The following GUCY1B1 variants were observed in gnomAD, a reference collection of about 807,000 sequenced individuals.
The protein encoded by GUCY1B1 is guanylate cyclase soluble subunit beta-1.
Under a neutral mutation model 71.0 loss-of-function variants are expected in GUCY1B1, and 43 were observed. The observed-to-expected ratio is 0.61, with a 90% CI of 0.47 to 0.78. The LOEUF is 0.78. Ranked by LOEUF, GUCY1B1 falls within the 30% of genes least tolerant of loss-of-function variation. GUCY1B1 has a pLI of 0.00. For synonymous variants in GUCY1B1, 266 were observed against 259.7 expected (o/e 1.02, Z -0.23); for missense variants, 535 against 754.1 (o/e 0.71, Z 3.40).
intron 2 of GUCY1B1, 51 bp from the exon 3 acceptor site, chr4:155,774,916 AT>A (rs1204257760): frequency 4.2e-6 from 4 of 956,566 alleles, no homozygotes; most frequent in East Asian, 2.4e-5. Context: ...TATAGTAGCT[AT>A]TTTTTTAACT....
chr4:155,780,480 G>A (rs2111060069), intron 4 of GUCY1B1, among the ~76,000 whole-genome samples: 1 of 152,254 alleles, frequency 6.6e-6, no homozygotes, highest in South Asian at 2.1e-4. Flanking sequence ...CCCAGCCACA[G>A]TAGTTTTCAT....
intron 4 of GUCY1B1, among the ~76,000 whole-genome samples, chr4:155,788,288 C>T (rs1454834084): frequency 1.3e-5 from 2 of 152,208 alleles, no homozygotes; most frequent in Non-Finnish European, 2.9e-5. Context: ...ACCCAGTTTC[C>T]TTGACTGTCA....
At position 155,791,526 on chromosome 4, in the gene GUCY1B1, T is replaced by G. The variant is rs574685207; in HGVS notation, c.495+1615T>G. Among the ~76,000 whole-genome samples the G allele has an allele frequency of 5.5e-4, 81 of 147,382 alleles. 2 individuals are homozygous for G. In the South Asian group the frequency reaches 0.018, roughly 32 times the overall value. On this transcript the variant is annotated intron_variant, in intron 5 of 13. Coordinates refer to ENST00000264424, the MANE Select transcript of GUCY1B1 (RefSeq NM_000857.5). ...CGGGGGGATCACGAGGTCAGGAGAT[T>G]GAGACCATCCTGGCTAACACGGTGA...
chr4:155,787,157 C>T (rs1738854100), intron 4 of GUCY1B1, among the ~76,000 whole-genome samples: 1 of 152,090 alleles, frequency 6.6e-6, no homozygotes, highest in Non-Finnish European at 1.5e-5. Flanking sequence ...GGGAAGAGTC[C>T]TAATGAGAAT....
At chr4:155,801,203 C>T (rs2111167007) in intron 9 of GUCY1B1, among the ~76,000 whole-genome samples, 1 of 152,118 alleles carries the variant, frequency 6.6e-6, no homozygotes. Flanking sequence ...ATACGAGTAG[C>T]TGATAAGTAC....
intron 4 of GUCY1B1, among the ~76,000 whole-genome samples, chr4:155,784,482 T>C (rs929157617): frequency 6.6e-6 from 1 of 152,178 alleles, no homozygotes; most frequent in African/African-American, 2.4e-5. Context: ...AAATATTTTT[T>C]AAATTACATG....
At chr4:155,804,863 C>A in intron 12 of GUCY1B1, 116 bp downstream of exon 12, 1 of 888,624 alleles carries the variant, frequency 1.1e-6, no homozygotes, top group Non-Finnish European at 1.8e-6. Flanking sequence ...CACTCTTCCC[C>A]ACTGCTTGTA....
chr4:155,806,591 T>C lies in GUCY1B1; in HGVS notation c.*182T>C. The C allele has an allele frequency of 2.0e-6, 1 of 489,278 alleles. No homozygotes were observed. The highest frequency in any genetic ancestry group is 3.7e-6 in the Non-Finnish European group (1 of 272,290). 30.3% of individuals were successfully genotyped at this position (489,278 alleles called of 1,614,324 possible). ...GTTATTCAACCTTAGCTCTGCTTTC[T>C]ATTACTTTTTAGGCTTTAGTATATT... On this transcript the variant is annotated 3_prime_UTR_variant, in exon 14 of 14. Coordinates refer to ENST00000264424, the MANE Select transcript of GUCY1B1 (RefSeq NM_000857.5).
At position 155,800,000 on chromosome 4, in the gene GUCY1B1, A is replaced by G. The variant is rs772311308; in HGVS notation, c.1101A>G (p.Gln367=). 153 of 1,613,784 alleles carry G rather than the reference A, an allele frequency of 9.5e-5. No individual in the cohort carries two copies. In the East Asian group the frequency reaches 3.3e-3, roughly 35 times the overall value. Residue 367 remains glutamine (Q), a synonymous_variant, in exon 9 of 14, where the codon CAA becomes CAG. Transcript: ENST00000264424. Reference sequence around the variant, plus strand: ...TTAGAGAGGAATACAAACTCACCCAAGAACTGGAAATCCTCACTGACAGGC... The same window carrying G: ...TTAGAGAGGAATACAAACTCACCCAGGAACTGGAAATCCTCACTGACAGGC... The part of the protein sequence containing the change: ...EQFREEYKLT[Q]ELEILTDRLQ...
In GUCY1B1 at chr4:155,795,419, C is replaced by T; in HGVS notation, c.805C>T (p.Leu269Phe). ...TATTGATATTAGTTTCCATGGGATCCTTTCTCACATCAATACTGTTTTTGT... is the reference window on the plus strand; with the variant it reads ...TATTGATATTAGTTTCCATGGGATCTTTTCTCACATCAATACTGTTTTTGT... ...PHIDISFHGI[L>F]SHINTVFVLR... Residue 269 changes from leucine to phenylalanine, a missense_variant, in exon 7 of 14, where the codon CTT becomes TTT. Leu to Phe is a conservative substitution (Grantham distance 22). Coordinates refer to ENST00000264424, the MANE Select transcript of GUCY1B1 (RefSeq NM_000857.5). 6.3e-7 allele frequency: 1 copy of T among 1,591,886 alleles called. No homozygotes were observed. The highest frequency in any genetic ancestry group is 8.6e-7 in the Non-Finnish European group (1 of 1,160,448).
Position 155,806,556 on chromosome 4 carries a change from C to A in GUCY1B1, c.*147C>A. ...CCAAGACTTTCTTCTAGATATATCT[C>A]TCACTATCCGTTATTCAACCTTAGC... On this transcript the variant is annotated 3_prime_UTR_variant, in exon 14 of 14. Coordinates refer to ENST00000264424, the MANE Select transcript of GUCY1B1 (RefSeq NM_000857.5). The A allele has an allele frequency of 3.4e-6, 2 of 580,484 alleles. No homozygotes were observed. Among genetic ancestry groups the A allele is most frequent in the South Asian group, 5.1e-5 (2 of 39,062 alleles). 36.0% of individuals were successfully genotyped at this position (580,484 alleles called of 1,614,324 possible).
intron 2 of GUCY1B1, among the ~76,000 whole-genome samples, chr4:155,769,938 A>T (rs1302129040): frequency 6.6e-6 from 1 of 152,194 alleles, no homozygotes; most frequent in Non-Finnish European, 1.5e-5. Flanking sequence ...AGCTCAAAAA[A>T]TAATTCTGAA....
intron 5 of GUCY1B1, among the ~76,000 whole-genome samples, chr4:155,790,348 T>G (rs1739072643): frequency 4.6e-5 from 7 of 152,246 alleles, no homozygotes; most frequent in Admixed American, 4.6e-4. Flanking sequence ...ATAGTTGGAA[T>G]GTCTAATTTT....
chr4:155,760,464 T>A (rs59409138), intron 2 of GUCY1B1, among the ~76,000 whole-genome samples: 3 of 68,046 alleles, frequency 4.4e-5, no homozygotes, highest in African/African-American at 1.7e-4. Context: ...TTTTTTCTAC[T>A]GTGTTGAAGA....
intron 5 of GUCY1B1, 74 bp downstream of exon 5, chr4:155,789,985 A>G: frequency 2.1e-6 from 2 of 956,018 alleles, no homozygotes; most frequent in East Asian, 4.8e-5. Context: ...CTCTAAATTT[A>G]CCTGCAGTTA....
At chr4:155,785,408 C>G in intron 4 of GUCY1B1, 1 of 649,812 alleles carries the variant, frequency 1.5e-6, no homozygotes, top group Non-Finnish European at 2.7e-6. Context: ...CCACACAGCT[C>G]TTTACTTTCT....
chr4:155,799,669 A>G (rs565543703), intron 8 of GUCY1B1, among the ~76,000 whole-genome samples: 1 of 152,354 alleles, frequency 6.6e-6, no homozygotes, highest in African/African-American at 2.4e-5. Context: ...GCAAAAATGC[A>G]TCTCAAGTTC....
chr4:155,774,554 C>T (rs1737912162), intron 2 of GUCY1B1, among the ~76,000 whole-genome samples: 1 of 152,076 alleles, frequency 6.6e-6, no homozygotes, highest in Non-Finnish European at 1.5e-5. Flanking sequence ...ATATGTATTG[C>T]AAGAAGTCAG....
intron 6 of GUCY1B1, among the ~76,000 whole-genome samples, chr4:155,794,587 C>G (rs78701940): frequency 0.025 from 3,875 of 152,254 alleles, 66 homozygotes; most frequent in Non-Finnish European, 0.04. Context: ...CTGCTGTTGA[C>G]TTCTATGACA....
Sources: allele counts gnomAD v4.1 joint callset (sites outside exome capture counted in the v4.1 genomes callset), GRCh38; gene constraint gnomAD v4.1.1; transcripts MANE v1.5; gene names NCBI Gene and HGNC (gene_info 2026-07-23, HGNC 2026-07-21).